Variants in MYH13 observed in about 807,000 individuals in gnomAD.
MYH13 encodes the protein myosin-13.
MYH13 carries 177 observed loss-of-function variants against 232.1 expected under a neutral mutation model. The observed-to-expected ratio is 0.76, with a 90% CI of 0.67 to 0.86. The LOEUF is 0.86. MYH13 is among the 40% of genes least tolerant of loss of function. The pLI is 0.00. For missense variants in MYH13, 2,246 were observed against 2,405.9 expected, an observed-to-expected ratio of 0.93 and a Z score of 1.39; for synonymous variants, 884 against 923.5, an observed-to-expected ratio of 0.96 and a Z score of 0.78.
intron 22 of MYH13, 143 bp downstream of exon 22, chr17:10,327,723 C>A: frequency 9.9e-7 from 1 of 1,006,502 alleles, no homozygotes; most frequent in Non-Finnish European, 1.4e-6. Context: ...CTTTTACGAG[C>A]AAGGTGGTGC....
intron 7 of MYH13, among the ~76,000 whole-genome samples, chr17:10,359,423 TC>T (rs987061342): frequency 4.6e-5 from 7 of 152,186 alleles, no homozygotes; most frequent in African/African-American, 1.7e-4. Context: ...ACCCTGCCCC[TC>T]CCCCATACCT....
At chr17:10,348,302 T>G (rs568731848) in intron 12 of MYH13, among the ~76,000 whole-genome samples, 2 of 152,352 alleles carry the variant, frequency 1.3e-5, no homozygotes, top group African/African-American at 4.8e-5. Flanking sequence ...TCAAAATGCC[T>G]GGCCTCTCCA....
chr17:10,356,155 C>A (rs1158516480), intron 8 of MYH13, among the ~76,000 whole-genome samples: 1 of 152,102 alleles, frequency 6.6e-6, no homozygotes, highest in African/African-American at 2.4e-5. Context: ...GCTTTTTCAC[C>A]CACAGTGTCT....
chr17:10,320,103 G>A, intron 26 of MYH13, 50 bp downstream of exon 26: 3 of 1,395,476 alleles, frequency 2.1e-6, no homozygotes, highest in Non-Finnish European at 3.0e-6. Context: ...GTGAGGAGGG[G>A]CGCTCTTGCA....
Position 10,300,929 on chromosome 17 carries a change from G to A in MYH13, c.*22C>T. On this transcript the variant is annotated 3_prime_UTR_variant, in exon 41 of 41. Coordinates refer to ENST00000252172, the MANE Select transcript of MYH13 (RefSeq NM_003802.3). Reference sequence around the variant, plus strand: ...CTCCACTCTCTCGGAGGTGTCCCATGGCAACGAGCATCAGGTGAGCCTCAT... The same window carrying A: ...CTCCACTCTCTCGGAGGTGTCCCATAGCAACGAGCATCAGGTGAGCCTCAT... 1 of 1,611,810 alleles carries A rather than the reference G, an allele frequency of 6.2e-7. No homozygotes were observed.
chr17:10,339,872 A>G (rs1426719079), intron 18 of MYH13, among the ~76,000 whole-genome samples: 1 of 152,230 alleles, frequency 6.6e-6, no homozygotes, highest in East Asian at 1.9e-4. Context: ...ATAGTTGAAC[A>G]TATTTATGGG....
At position 10,313,310 on chromosome 17, in the gene MYH13, G is replaced by A; in HGVS notation, c.4029C>T (p.Asp1343=). The change falls in exon 30 of 41, where the codon GAC becomes GAT. Residue 1343 remains aspartate (D), a synonymous_variant. Transcript: ENST00000252172. ...CATACTGTTCCCGCAGCAGGTCACAGTCGTGGCGGGAGGACTGCAGGGCGT... is the reference window on the plus strand; with the variant it reads ...CATACTGTTCCCGCAGCAGGTCACAATCGTGGCGGGAGGACTGCAGGGCGT... ...MAHALQSSRH[D]CDLLREQYEE... is the part of the protein sequence containing the mutation. The A allele has an allele frequency of 6.2e-6, 10 of 1,614,280 alleles. No individual in the cohort carries two copies. Among genetic ancestry groups the A allele is most frequent in the Non-Finnish European group, 7.6e-6 (9 of 1,180,054 alleles).
At chr17:10,369,665 G>T (rs757222103) in intron 2 of MYH13, among the ~76,000 whole-genome samples, 1 of 151,748 alleles carries the variant, frequency 6.6e-6, no homozygotes, top group African/African-American at 2.4e-5. Context: ...TTTTCCCTGT[G>T]GGCCTCACTG....
chr17:10,315,870 G>T, intron 28 of MYH13, 29 bp downstream of exon 28: 1 of 1,613,876 alleles, frequency 6.2e-7, no homozygotes. Flanking sequence ...CCATGGCCCG[G>T]CTGGACCCAG....
chr17:10,307,112 T>C, intron 35 of MYH13, 48 bp from the exon 36 acceptor site: 1 of 1,592,218 alleles, frequency 6.3e-7, no homozygotes, highest in South Asian at 1.1e-5. Context: ...TTGGGGCGCT[T>C]AAAAAAATTG....
chr17:10,365,893 CTG>C (rs1340327856), intron 2 of MYH13, among the ~76,000 whole-genome samples: 5 of 129,152 alleles, frequency 3.9e-5, no homozygotes, highest in African/African-American at 1.4e-4. Context: ...GTGTATGGGG[CTG>C]TGTGTGTGTA....
intron 7 of MYH13, among the ~76,000 whole-genome samples, chr17:10,358,958 T>C (rs2071770126): frequency 1.3e-5 from 2 of 152,202 alleles, no homozygotes; most frequent in African/African-American, 4.8e-5. Context: ...CCCTCAACTG[T>C]AGGTGATGGA....
chr17:10,359,937 C>T (rs1567672555), intron 7 of MYH13, 23 bp downstream of exon 7: 22 of 1,582,778 alleles, frequency 1.4e-5, no homozygotes, highest in East Asian at 1.3e-4. Flanking sequence ...AGTAAGCCTC[C>T]GGATGCAGGT....
rs748590797 is a variant in MYH13, at chr17:10,303,440, T to G, written c.5525A>C (p.Lys1842Thr). The change falls in exon 38 of 41, where the codon AAG becomes ACG. Residue 1842 changes from lysine to threonine, a missense_variant. By Grantham distance (78) the Lys-to-Thr change is moderately conservative (BLOSUM62 -1). Transcript: ENST00000252172. ...TTTGCGTTCGTACTTGTGGGCTCCC[T>G]TCAGGGCTTCAGCTCCCCTCTTCTG... ...VEQKRGAEALKGAHKYERKVK... is the reference protein window; with the variant it reads ...VEQKRGAEALTGAHKYERKVK... 6.2e-7 allele frequency: 1 copy of G among 1,613,976 alleles called. No individual in the cohort carries two copies. The highest frequency in any genetic ancestry group is 2.2e-5 in the East Asian group (1 of 44,880).
Position 10,355,116 on chromosome 17 carries a change from G to T in MYH13, c.770C>A (p.Thr257Lys), listed in dbSNP as rs34416201. The change falls in exon 9 of 41, where the codon ACA becomes AAA. Residue 257 changes from threonine (T) to lysine (K), a missense_variant. By Grantham distance (78) the Thr-to-Lys change is moderately conservative. Coordinates refer to ENST00000252172, the MANE Select transcript of MYH13 (RefSeq NM_003802.3). ...GKFIRIHFGA[T>K]GKLASADIET... ...GATGTCTGCCGATGCCAGCTTTCCT[G>T]TGGCTCCAAAATGAATCCGAATGAA... 658 of 1,591,062 alleles carry T rather than the reference G, an allele frequency of 4.1e-4. 5 individuals are homozygous for T. The African/African-American group carries it at 8.2e-3, about 20-fold the overall frequency.
rs762982342 is a variant in MYH13, at chr17:10,309,385, T to G, written c.5018A>C (p.Glu1673Ala). 1 of 1,611,552 alleles carries G rather than the reference T, an allele frequency of 6.2e-7. No individual in the cohort carries two copies. Among genetic ancestry groups the G allele is most frequent in the Non-Finnish European group, 8.5e-7 (1 of 1,178,834 alleles). Residue 1673 changes from glutamate to alanine, a missense_variant, in exon 35 of 41, where the codon GAG (glutamate) becomes GCG (alanine). Physicochemically the swap from Glu to Ala is moderately radical, Grantham distance 107. Transcript: ENST00000252172. ...CCTGCGCTCCACGATGGCCAGCTGC[T>G]CCTTGAGGTCCTCATTGCTCCTCAG... ...DALRSNEDLK[E>A]QLAIVERRNG...
intron 29 of MYH13, 103 bp downstream of exon 29, chr17:10,315,590 A>C: frequency 2.0e-6 from 2 of 1,014,644 alleles, no homozygotes; most frequent in Non-Finnish European, 2.9e-6. Context: ...CACCGTGCCC[A>C]GCTGCAGCAG....
In MYH13 at chr17:10,354,922, T is replaced by C. The variant is rs550213918; in HGVS notation, c.874A>G (p.Met292Val). The C allele has an allele frequency of 3.7e-6, 6 of 1,603,970 alleles. No homozygotes were observed. The highest frequency in any genetic ancestry group is 1.7e-5 in the Admixed American group (1 of 60,002). The stretch of plus-strand genomic sequence containing the variant: ...ATTAGTTCTGGCTTCTTGTTTGACA[T>C]AATTTGGTAGAAAATATGATAGCTT... The part of the protein sequence containing the change: ...ERSYHIFYQI[M>V]SNKKPELIDL... Residue 292 changes from methionine to valine, a missense_variant, in exon 10 of 41, where the codon ATG becomes GTG. By Grantham distance (21) the Met-to-Val change is conservative. Coordinates refer to ENST00000252172, the MANE Select transcript of MYH13 (RefSeq NM_003802.3).
Position 10,328,953 on chromosome 17 carries a change from C to T in MYH13, c.2436-832G>A, listed in dbSNP as rs1555550296. Among the ~76,000 whole-genome samples the T allele has an allele frequency of 3.3e-5, 5 of 152,312 alleles. 1 individual carries two copies. In the South Asian group the frequency reaches 1.0e-3, roughly 32 times the overall value. ...TTGGCCTCCCAAAGTGCTAGGGTTACAAGCGTGAGCCACCACAACCAGCCT... is the reference window on the plus strand; with the variant it reads ...TTGGCCTCCCAAAGTGCTAGGGTTATAAGCGTGAGCCACCACAACCAGCCT... On this transcript the variant is annotated intron_variant, in intron 21 of 40. Transcript: ENST00000252172.
Sources: allele counts gnomAD v4.1 joint callset (sites outside exome capture counted in the v4.1 genomes callset), GRCh38; gene constraint gnomAD v4.1.1; transcripts MANE v1.5; gene names NCBI Gene and HGNC (gene_info 2026-07-23, HGNC 2026-07-21).